EVA1C: variants seen among roughly 807,000 people sequenced by gnomAD.
The protein encoded by EVA1C is protein eva-1 homolog C.
Under a neutral mutation model 45.4 loss-of-function variants are expected in EVA1C, and 25 were observed. The observed-to-expected ratio is 0.55, with a 90% confidence interval of 0.40 to 0.77. EVA1C has a LOEUF of 0.77. Among genes scored for constraint, EVA1C ranks in the 30% least tolerant of loss-of-function variants. EVA1C has a pLI of 0.00. For synonymous variants in EVA1C, 190 were observed against 221.2 expected (o/e 0.86, Z 1.25); for missense variants, 479 against 554.8 (o/e 0.86, Z 1.37).
chr21:32,506,257 C>T lies in EVA1C; in HGVS notation c.949+2242C>T, dbSNP rs112936816. On this transcript the variant is annotated intron_variant, in intron 7 of 7. Transcript: ENST00000300255. ...GTGTGGTATCCCTGTATCTAGGATG[C>T]GGTGCTGGTACAGAACAGGTGCACA... 4.2e-3 allele frequency among the ~76,000 whole-genome samples: 619 copies of T among 146,376 alleles called. 9 individuals are homozygous for T. Among genetic ancestry groups the T allele is most frequent in the Admixed American group, 6.3e-3 (90 of 14,238 alleles).
chr21:32,411,891 C>A (rs958400879), upstream of EVA1C: 1 of 152,302 alleles, frequency 6.6e-6, no homozygotes, highest in African/African-American at 2.4e-5. Context: ...ACTCCTAGGC[C>A]ACTGGCTGGG....
chr21:32,499,228 A>G (rs1344526132), intron 5 of EVA1C, among the ~76,000 whole-genome samples: 1 of 152,248 alleles, frequency 6.6e-6, no homozygotes, highest in Non-Finnish European at 1.5e-5. Context: ...ATGAGAAAGA[A>G]GTACCACTCC....
chr21:32,478,609 G>A lies in EVA1C; in HGVS notation c.634+10761G>A, dbSNP rs73903334. 8.9e-4 allele frequency among the ~76,000 whole-genome samples: 136 copies of A among 152,302 alleles called. 1 individual carries two copies. Among genetic ancestry groups the A allele is most frequent in the African/African-American group, 3.2e-3 (132 of 41,562 alleles). The stretch of plus-strand genomic sequence containing the variant: ...GTCCATCAGAATTTATGCCTCATCC[G>A]GCAGAAGAGAAACTGAAAGGAAGAC... On this transcript the variant is annotated intron_variant, in intron 4 of 7. Transcript: ENST00000300255.
Position 32,454,681 on chromosome 21 carries a change from T to C in EVA1C, c.357+1173T>C, listed in dbSNP as rs139120214. 4.6e-5 allele frequency among the ~76,000 whole-genome samples: 7 copies of C among 152,214 alleles called. No homozygotes were observed. In the East Asian group the frequency reaches 1.4e-3, roughly 29 times the overall value. On this transcript the variant is annotated intron_variant, in intron 2 of 7. Coordinates refer to ENST00000300255, the MANE Select transcript of EVA1C (RefSeq NM_058187.5). ...TAGAGCAGGTGGAAAGTTGGAAGTC[T>C]GTTTGATTTTGTCGACCGTAGGAAA...
At chr21:32,423,960 A>T (rs1238942664) in intron 1 of EVA1C, among the ~76,000 whole-genome samples, 2 of 152,212 alleles carry the variant, frequency 1.3e-5, no homozygotes, top group African/African-American at 4.8e-5. Flanking sequence ...CCTAAGAATG[A>T]TCTCCAAAAC....
chr21:32,476,547 C>A (rs2409451), intron 4 of EVA1C, among the ~76,000 whole-genome samples: 62,764 of 151,858 alleles, frequency 0.41, 13,599 homozygotes, highest in East Asian at 0.53. Context: ...AGGCTGAGGC[C>A]GGAGAATCGC....
intron 7 of EVA1C, among the ~76,000 whole-genome samples, chr21:32,508,587 G>A (rs114925092): frequency 3.0e-4 from 45 of 152,262 alleles, no homozygotes; most frequent in East Asian, 2.5e-3. Flanking sequence ...GTGTTCCCAC[G>A]GTCTCCAATC....
intron 4 of EVA1C, among the ~76,000 whole-genome samples, chr21:32,486,282 C>T (rs939501022): frequency 3.3e-5 from 5 of 152,198 alleles, no homozygotes; most frequent in Admixed American, 6.5e-5. Context: ...TGCCACCACA[C>T]CCAGTTAATT....
At chr21:32,459,394 TCTCAGTGTTCTTC>T (rs774172919) in intron 3 of EVA1C, among the ~76,000 whole-genome samples, 12 of 152,274 alleles carry the variant, frequency 7.9e-5, no homozygotes, top group Non-Finnish European at 1.6e-4. Context: ...CACATCAAGA[TCTCAGTGTTCTTC>T]CTCACTTCCC....
chr21:32,426,569 C>T (rs2034495755), intron 1 of EVA1C, among the ~76,000 whole-genome samples: 1 of 152,106 alleles, frequency 6.6e-6, no homozygotes, highest in Non-Finnish European at 1.5e-5. Context: ...TTGGGTGTTA[C>T]TTTGTGAACA....
In EVA1C at chr21:32,493,659, T is replaced by A. The variant is rs571721905; in HGVS notation, c.635-1368T>A. Reference sequence around the variant, plus strand: ...TGCACCACGTCCTGCTGACAGTGATTCACTGTTTCCACTATCAGACACCAG... The same window carrying A: ...TGCACCACGTCCTGCTGACAGTGATACACTGTTTCCACTATCAGACACCAG... On this transcript the variant is annotated intron_variant, in intron 4 of 7. Transcript: ENST00000300255. 9 of 152,484 alleles carry A rather than the reference T, an allele frequency of 5.9e-5. No individual in the cohort carries two copies. The East Asian group carries it at 1.2e-3, about 20-fold the overall frequency. The allele number at this position is 152,484 out of a possible 1,614,324, so 9.4% of individuals were successfully genotyped here. A position where few individuals can be genotyped will look rare whatever the true frequency, so the allele number is the denominator to read the frequency against.
At chr21:32,457,134 C>T (rs1704839398) in intron 2 of EVA1C, among the ~76,000 whole-genome samples, 1 of 152,176 alleles carries the variant, frequency 6.6e-6, no homozygotes. Flanking sequence ...ATGCACAGCT[C>T]TCCTGTGTCC....
chr21:32,471,414 C>T (rs1284877657), intron 4 of EVA1C, among the ~76,000 whole-genome samples: 3 of 150,722 alleles, frequency 2.0e-5, no homozygotes, highest in Non-Finnish European at 4.4e-5. Context: ...GCAACCTCCA[C>T]CTCTGGGTTC....
chr21:32,506,385 A>AT (rs200120661), intron 7 of EVA1C, among the ~76,000 whole-genome samples: 2,112 of 151,190 alleles, frequency 0.014, 52 homozygotes, highest in African/African-American at 0.043. Flanking sequence ...TAAGATGTCC[A>AT]TTTTTTTAAA....
intron 1 of EVA1C, among the ~76,000 whole-genome samples, chr21:32,436,260 C>T (rs1222770580): frequency 2.6e-5 from 4 of 152,144 alleles, no homozygotes; most frequent in African/African-American, 7.2e-5. Context: ...GACGGGGTTT[C>T]GCCATGTTGG....
rs1290484867 is a variant in EVA1C, at chr21:32,475,889, A to AC, written c.634+8041_634+8042insC. 4.7e-3 allele frequency among the ~76,000 whole-genome samples: 261 copies of AC among 55,270 alleles called. 3 individuals are homozygous for AC. The highest frequency in any genetic ancestry group is 0.02 in the African/African-American group (227 of 11,126). The allele number at this position is 55,270 out of a possible 152,430, so 36.3% of individuals were successfully genotyped here. On this transcript the variant is annotated intron_variant, in intron 4 of 7. Coordinates refer to ENST00000300255, the MANE Select transcript of EVA1C (RefSeq NM_058187.5). ...TTCTTTCTAAAAACTTTATCTATCT[A>AC]TCTATCTATCTATCTATCTATCTAT...
chr21:32,508,764 G>A (rs1487331376), intron 7 of EVA1C, among the ~76,000 whole-genome samples: 5 of 152,216 alleles, frequency 3.3e-5, no homozygotes, highest in Admixed American at 2.0e-4. Flanking sequence ...TGGCCTCTGG[G>A]TGTCTTATCT....
intron 3 of EVA1C, among the ~76,000 whole-genome samples, chr21:32,458,546 A>C (rs1255136943): frequency 6.6e-6 from 1 of 150,904 alleles, no homozygotes; most frequent in African/African-American, 2.4e-5. Context: ...GCAATGCGCA[A>C]TCTCGGCTCA....
intron 3 of EVA1C, among the ~76,000 whole-genome samples, chr21:32,466,701 C>T (rs146825321): frequency 6.6e-6 from 1 of 152,244 alleles, no homozygotes; most frequent in Non-Finnish European, 1.5e-5. Flanking sequence ...CCTGGATTTA[C>T]CAGATTTGGG....
Sources: gnomAD v4.1 joint callset for allele counts (sites outside exome capture counted in the v4.1 genomes callset) on GRCh38, gnomAD v4.1.1 for gene constraint, MANE v1.5 for transcripts, NCBI Gene and HGNC (gene_info 2026-07-23, HGNC 2026-07-21) for gene names.